ADAMTS2: variants seen among roughly 807,000 people sequenced by gnomAD.
The protein encoded by ADAMTS2 is ADAM metallopeptidase with thrombospondin type 1 motif 2, also known as A disintegrin and metalloproteinase with thrombospondin motifs 2.
A neutral mutation model predicts 123.0 loss-of-function variants in ADAMTS2; 50 were observed. The observed-to-expected ratio is 0.41, with a 90% CI of 0.32 to 0.51. The LOEUF is 0.51. ADAMTS2 is among the 20% of genes least tolerant of loss of function. ADAMTS2 has a pLI of 0.35. For synonymous variants in ADAMTS2, 678 were observed against 695.4 expected (o/e 0.98, Z 0.39); for missense variants, 1,494 against 1,705.2 (o/e 0.88, Z 2.18).
rs1193913145 is a variant in ADAMTS2, at chr5:179,217,830, G to GGTGCA, written c.689-10116_689-10115insTGCAC. On this transcript the variant is annotated intron_variant, in intron 3 of 21. Coordinates refer to ENST00000251582, the MANE Select transcript of ADAMTS2 (RefSeq NM_014244.5). ...GGGCACACTCACTAGGGGATGGCCT[G>GGTGCA]AGGGCAGACAGGCACACTCACTAGG... Among the ~76,000 whole-genome samples, 4 of 71,480 alleles carry GGTGCA rather than the reference G, an allele frequency of 5.6e-5. 1 individual carries two copies. The highest frequency in any genetic ancestry group is 6.2e-3 in the Middle Eastern group (1 of 162). The allele number at this position is 71,480 out of a possible 152,430, so 46.9% of individuals were successfully genotyped here.
rs1358790963 is a variant in ADAMTS2 at position 179,225,897 on chromosome 5, G to T, written c.689-18182C>A. On this transcript the variant is annotated intron_variant, in intron 3 of 21. Transcript: ENST00000251582. The surrounding 1 kb of genome is among the most constrained non-coding windows in gnomAD (Gnocchi z 4.5). ...CTCTGTCCTTGCGACAAGGTAGAGG[G>T]TCTAACTGAGCTGGTTAACACAAGC... Among the ~76,000 whole-genome samples the T allele has an allele frequency of 1.3e-5, 2 of 152,204 alleles. No individual in the cohort carries two copies. Among genetic ancestry groups the T allele is most frequent in the Non-Finnish European group, 2.9e-5 (2 of 68,042 alleles).
intron 9 of ADAMTS2, 66 bp downstream of exon 9, chr5:179,153,425 T>C: frequency 6.3e-7 from 1 of 1,596,406 alleles, no homozygotes; most frequent in South Asian, 1.1e-5. Flanking sequence ...TCCCGGGAGC[T>C]GCCCCTACAC....
intron 4 of ADAMTS2, among the ~76,000 whole-genome samples, chr5:179,194,743 C>CA (rs562679216): frequency 4.7e-4 from 71 of 152,178 alleles, no homozygotes; most frequent in Non-Finnish European, 6.6e-4. Flanking sequence ...CTCACAGGGC[C>CA]ACTGGGGCAA....
intron 3 of ADAMTS2, among the ~76,000 whole-genome samples, chr5:179,246,510 T>C (rs1347915205): frequency 3.9e-5 from 6 of 151,962 alleles, no homozygotes; most frequent in Non-Finnish European, 5.9e-5. Flanking sequence ...GGAAATAAGG[T>C]TTTTGGAAAG....
intron 2 of ADAMTS2, among the ~76,000 whole-genome samples, chr5:179,306,896 TG>T (rs1756688832): frequency 6.6e-6 from 1 of 152,132 alleles, no homozygotes; most frequent in Non-Finnish European, 1.5e-5. Flanking sequence ...TCTGAGGACA[TG>T]GCTCTTATTC....
intron 3 of ADAMTS2, among the ~76,000 whole-genome samples, chr5:179,217,261 A>C (rs1361921297): frequency 6.6e-6 from 1 of 152,228 alleles, no homozygotes; most frequent in African/African-American, 2.4e-5. Context: ...AAAGGTAAGA[A>C]ACAGAATGAG....
chr5:179,224,158 A>G (rs1271084173), intron 3 of ADAMTS2, among the ~76,000 whole-genome samples: 3 of 152,154 alleles, frequency 2.0e-5, no homozygotes, highest in Admixed American at 2.0e-4. Flanking sequence ...CAGGGAGAGC[A>G]TGAGGGCGGC....
chr5:179,274,963 C>T (rs1307612220), intron 2 of ADAMTS2, among the ~76,000 whole-genome samples: 5 of 152,180 alleles, frequency 3.3e-5, no homozygotes, highest in Non-Finnish European at 2.9e-5. Context: ...AGAGAGAGGA[C>T]CAGTGCTCCA....
In ADAMTS2 at chr5:179,272,319, G is replaced by A. The variant is rs901315201; in HGVS notation, c.688+592C>T. ...AGTTGAAAAAGACAGACGCCCATGA[G>A]TCTGTGCAGAGACTGCTGAGGCTGC... On this transcript the variant is annotated intron_variant, in intron 3 of 21. Coordinates refer to ENST00000251582, the MANE Select transcript of ADAMTS2 (RefSeq NM_014244.5). The surrounding 1 kb of genome is among the most constrained non-coding windows in gnomAD (Gnocchi z 5.8). 1.3e-5 allele frequency among the ~76,000 whole-genome samples: 2 copies of A among 152,232 alleles called. No individual in the cohort carries two copies. The highest frequency in any genetic ancestry group is 2.9e-5 in the Non-Finnish European group (2 of 68,024).
At chr5:179,211,135 A>G (rs988371123) in intron 3 of ADAMTS2, among the ~76,000 whole-genome samples, 1 of 152,204 alleles carries the variant, frequency 6.6e-6, no homozygotes, top group Non-Finnish European at 1.5e-5. Flanking sequence ...TCCAAGGCAG[A>G]AGAGGGCTAT....
At chr5:179,333,184 C>T (rs879886669) in intron 2 of ADAMTS2, among the ~76,000 whole-genome samples, 6 of 152,232 alleles carry the variant, frequency 3.9e-5, no homozygotes, top group Admixed American at 3.3e-4. Flanking sequence ...TTCCTTCCAC[C>T]TCAAGCCCCC....
In ADAMTS2 at chr5:179,228,018, T is replaced by C. The variant is rs1765326279; in HGVS notation, c.689-20303A>G. ...ACCGGTCACCCTGGGAAGCCTTCCC[T>C]GCAAGGGACCCTCGGGAGGAGCCGC... On this transcript the variant is annotated intron_variant, in intron 3 of 21. Transcript: ENST00000251582. The surrounding 1 kb of genome is among the most constrained non-coding windows in gnomAD (Gnocchi z 5.2). 6.6e-6 allele frequency among the ~76,000 whole-genome samples: 1 copy of C among 152,050 alleles called. No homozygotes were observed.
At position 179,345,197 on chromosome 5, in the gene ADAMTS2, G is replaced by T; in HGVS notation, c.132C>A (p.Asp44Glu). 1 of 1,116,450 alleles carries T rather than the reference G, an allele frequency of 9.0e-7. No homozygotes were observed. Among genetic ancestry groups the T allele is most frequent in the South Asian group, 4.2e-5 (1 of 23,560 alleles). The allele number at this position is 1,116,450 out of a possible 1,614,324, so 69.2% of individuals were successfully genotyped here. A position where few individuals can be genotyped will look rare whatever the true frequency, so the allele number is the denominator to read the frequency against. ...PANARLAAAADPPGGPLGHGA... is the reference protein window; with the variant it reads ...PANARLAAAAEPPGGPLGHGA... The stretch of plus-strand genomic sequence containing the variant: ...GGGCCGGGCCGCACCTACCTGGGGG[G>T]TCGGCGGCGGCGGCGAGCCTGGCGT... Residue 44 changes from aspartate to glutamate, a missense_variant, in exon 1 of 22, where the codon GAC becomes GAA. This residue lies in a region of ADAMTS2 where 237 missense variants were observed against 233.7 expected (regional missense o/e 1.01). Coordinates refer to ENST00000251582, the MANE Select transcript of ADAMTS2 (RefSeq NM_014244.5). This position sits in a 1 kb window ranked among gnomAD's most constrained non-coding sequence, Gnocchi z 7.5.
At chr5:179,217,795 AG>A (rs66559148) in intron 3 of ADAMTS2, among the ~76,000 whole-genome samples, 1,033 of 90,996 alleles carry the variant, frequency 0.011, 30 homozygotes, top group South Asian at 0.036. Flanking sequence ...GGATGGCGCA[AG>A]GGGGGGATGG....
At chr5:179,226,101 A>G (rs7704240) in intron 3 of ADAMTS2, among the ~76,000 whole-genome samples, 5 of 151,976 alleles carry the variant, frequency 3.3e-5, no homozygotes, top group Admixed American at 2.6e-4. Context: ...ACACCCCCAT[A>G]GCACGCCCTG....
At chr5:179,315,041 C>CA (rs1403656653) in intron 2 of ADAMTS2, among the ~76,000 whole-genome samples, 1 of 150,924 alleles carries the variant, frequency 6.6e-6, no homozygotes, top group Non-Finnish European at 1.5e-5. Context: ...TACACCCACC[C>CA]CCCCCACAAT....
At chr5:179,173,128 C>T (rs529300103) in intron 5 of ADAMTS2, among the ~76,000 whole-genome samples, 2 of 151,488 alleles carry the variant, frequency 1.3e-5, no homozygotes, top group African/African-American at 4.9e-5. Context: ...GAGAGGATCC[C>T]TTGAGCCCAA....
chr5:179,263,641 G>A (rs1379178094), intron 3 of ADAMTS2, among the ~76,000 whole-genome samples: 1 of 152,216 alleles, frequency 6.6e-6, no homozygotes, highest in Non-Finnish European at 1.5e-5. Flanking sequence ...ACACCTCACG[G>A]CAAGCCCCAG....
intron 2 of ADAMTS2, among the ~76,000 whole-genome samples, chr5:179,296,504 G>A (rs1004175610): frequency 6.6e-6 from 1 of 152,170 alleles, no homozygotes; most frequent in Non-Finnish European, 1.5e-5. Context: ...GATGGGGCTG[G>A]ACCCAGCAAT....
Sources: allele counts gnomAD v4.1 joint callset (sites outside exome capture counted in the v4.1 genomes callset), GRCh38; gene constraint gnomAD v4.1.1; regional missense constraint gnomAD v4.1.1; non-coding constraint Gnocchi (gnomAD v3.1); transcripts MANE v1.5; gene names NCBI Gene and HGNC (gene_info 2026-07-23, HGNC 2026-07-21).